The following CHAF1A variants were observed in gnomAD, a reference collection of about 807,000 sequenced individuals.
CHAF1A encodes the protein chromatin assembly factor 1 subunit A.
Under a neutral mutation model 93.2 loss-of-function variants are expected in CHAF1A, and 5 were observed. The observed-to-expected ratio is 0.05, with a 90% CI of 0.03 to 0.11. The LOEUF is 0.11. Among genes scored for constraint, CHAF1A ranks in the 10% least tolerant of loss-of-function variants. The pLI, the probability that CHAF1A is intolerant of heterozygous loss-of-function variation, is 1.00. For missense variants in CHAF1A, 1,102 were observed against 1,259.9 expected (o/e 0.87, Z 1.90); for synonymous variants, 504 against 510.3 (o/e 0.99, Z 0.17).
chr19:4,438,116 G>T (rs1373322456), intron 13 of CHAF1A, among the ~76,000 whole-genome samples: 1 of 152,136 alleles, frequency 6.6e-6, no homozygotes, highest in African/African-American at 2.4e-5. Flanking sequence ...GGGTACATGT[G>T]CAGGTTGGCA....
chr19:4,405,803 AGG>A, intron 1 of CHAF1A, 107 bp from the exon 2 acceptor site: 1 of 902,388 alleles, frequency 1.1e-6, no homozygotes, highest in Non-Finnish European at 1.8e-6. Context: ...CCGAGGACAG[AGG>A]GGTCAGAATT....
At chr19:4,416,493 C>T (rs568921324) in intron 3 of CHAF1A, among the ~76,000 whole-genome samples, 1 of 152,158 alleles carries the variant, frequency 6.6e-6, no homozygotes, top group Admixed American at 6.6e-5. Flanking sequence ...AGCTCATGCT[C>T]AGTTTGAAGG....
downstream of CHAF1A, chr19:4,445,665 C>A: frequency 6.3e-7 from 1 of 1,590,376 alleles, no homozygotes. Flanking sequence ...CGAGAGTCGG[C>A]CCTTGCCGCG....
chr19:4,446,958 T>C (rs1194157118), downstream of CHAF1A: 6 of 1,599,228 alleles, frequency 3.8e-6, no homozygotes, highest in Non-Finnish European at 5.1e-6. Flanking sequence ...GGCCCCTGGC[T>C]TCCTCCATGG....
chr19:4,448,368 C>T (rs149717969), downstream of CHAF1A: 21 of 1,610,616 alleles, frequency 1.3e-5, no homozygotes, highest in African/African-American at 1.6e-4. Context: ...CTTTGTTGAA[C>T]GTGTAGATCT....
At chr19:4,435,197 T>G (rs1361290519) in intron 13 of CHAF1A, among the ~76,000 whole-genome samples, 1 of 149,986 alleles carries the variant, frequency 6.7e-6, no homozygotes, top group African/African-American at 2.5e-5. Context: ...TTCACACCAT[T>G]CTTCTGGCTC....
intron 3 of CHAF1A, among the ~76,000 whole-genome samples, chr19:4,415,462 C>T (rs1000116518): frequency 6.6e-6 from 1 of 152,152 alleles, no homozygotes; most frequent in Non-Finnish European, 1.5e-5. Context: ...CCCCGCCACC[C>T]CAAGACCACA....
At chr19:4,418,956 G>A (rs1292521262) in intron 4 of CHAF1A, among the ~76,000 whole-genome samples, 4 of 151,922 alleles carry the variant, frequency 2.6e-5, no homozygotes, top group Middle Eastern at 3.4e-3. Context: ...TCTGCCTCCC[G>A]GGTTCAAGCG....
rs555368487 is a variant in CHAF1A, at chr19:4,443,331, C to G, written c.*306C>G. ...AATGAATTGAAGCGTCAGGACCACC[C>G]GCCTGGCCACGTGCGCGGGCCCCTG... On this transcript the variant is annotated 3_prime_UTR_variant, in exon 15 of 15. Transcript: ENST00000301280. 1 of 365,728 alleles carries G rather than the reference C, an allele frequency of 2.7e-6. No homozygotes were observed. Among genetic ancestry groups the G allele is most frequent in the East Asian group, 6.8e-5 (1 of 14,718 alleles). 22.7% of individuals were successfully genotyped at this position (365,728 alleles called of 1,614,324 possible). A position where few individuals can be genotyped will look rare whatever the true frequency, so the allele number is the denominator to read the frequency against.
Position 4,430,615 on chromosome 19 carries a change from C to T in CHAF1A, c.1921C>T (p.Leu641=). Residue 641 remains leucine (L), a synonymous_variant, in exon 11 of 15, where the codon CTG becomes TTG. Transcript: ENST00000301280. ...DDGFFVPHGY[L]SEDEGVTEEC... Reference sequence around the variant, plus strand: ...TGGTTTCTTTGTGCCCCATGGGTACCTGTCTGAGGACGAAGGTGTGACAGA... The same window carrying T: ...TGGTTTCTTTGTGCCCCATGGGTACTTGTCTGAGGACGAAGGTGTGACAGA... 1 of 1,613,810 alleles carries T rather than the reference C, an allele frequency of 6.2e-7. No homozygotes were observed. The highest frequency in any genetic ancestry group is 8.5e-7 in the Non-Finnish European group (1 of 1,179,964).
chr19:4,443,373 G>A lies in CHAF1A; in HGVS notation c.*348G>A, dbSNP rs1292645674. On this transcript the variant is annotated 3_prime_UTR_variant, in exon 15 of 15. Coordinates refer to ENST00000301280, the MANE Select transcript of CHAF1A (RefSeq NM_005483.3). ...GGGCCCCTGGACCTAACGAGGCAGT[G>A]TATAAACTTATTCTCTAGCCCTGAG... 3.3e-6 allele frequency: 1 copy of A among 298,860 alleles called. No homozygotes were observed. The highest frequency in any genetic ancestry group is 1.0e-4 in the East Asian group (1 of 10,044). 18.5% of individuals were successfully genotyped at this position (298,860 alleles called of 1,614,324 possible). A position where few individuals can be genotyped will look rare whatever the true frequency, so the allele number is the denominator to read the frequency against.
rs1599649421 is a variant in CHAF1A at position 4,422,728 on chromosome 19, G to A, written c.1180G>A (p.Glu394Lys). 8 of 1,612,326 alleles carry A rather than the reference G, an allele frequency of 5.0e-6. No individual in the cohort carries two copies. The East Asian group carries it at 1.8e-4, about 36-fold the overall frequency. Residue 394 changes from glutamate to lysine, a missense_variant, in exon 5 of 15, where the codon GAG (glutamate) becomes AAG (lysine). Physicochemically the swap from Glu to Lys is moderately conservative, Grantham distance 56 (BLOSUM62 1). Transcript: ENST00000301280. This position sits in a 1 kb window ranked among gnomAD's most constrained non-coding sequence, Gnocchi z 4.6. ...GAGGCGGGAGAAGCGGGAGAAGGAT[G>A]AGAAGGAGAAGGCGGAGAAGCAGCG... is the stretch of plus-strand genomic sequence containing the variant. ...KERREKREKD[E>K]KEKAEKQRLK...
At chr19:4,440,453 A>C (rs1974365065) in intron 13 of CHAF1A, among the ~76,000 whole-genome samples, 1 of 151,958 alleles carries the variant, frequency 6.6e-6, no homozygotes, top group African/African-American at 2.4e-5. Context: ...ACTTAAAAAA[A>C]AAAAAATTAG....
downstream of CHAF1A, chr19:4,448,255 C>CA: frequency 6.9e-7 from 1 of 1,445,100 alleles, no homozygotes; most frequent in Non-Finnish European, 9.4e-7. Flanking sequence ...GTGACAGCCC[C>CA]AGTGGGAGGG....
chr19:4,447,216 G>A, downstream of CHAF1A: 1 of 577,338 alleles, frequency 1.7e-6, no homozygotes, highest in East Asian at 2.9e-5. Context: ...CAGGACCCCA[G>A]TCCCTGCCCT....
Position 4,423,350 on chromosome 19 carries a change from A to G in CHAF1A, c.1263A>G (p.Glu421=). The G allele has an allele frequency of 6.2e-7, 1 of 1,614,210 alleles. No individual in the cohort carries two copies. The highest frequency in any genetic ancestry group is 1.1e-5 in the South Asian group (1 of 91,084). Residue 421 remains glutamate (E), a synonymous_variant, in exon 6 of 15, where the codon GAA becomes GAG. Transcript: ENST00000301280. ...RQEALEAKLE[E]KRKKEEEKRL... ...TGTCTCACAGGGCTAAACTTGAGGA[A>G]AAAAGGAAAAAGGAAGAAGAGAAAC...
chr19:4,443,136 C>A lies in CHAF1A; in HGVS notation c.*111C>A. On this transcript the variant is annotated 3_prime_UTR_variant, in exon 15 of 15. Transcript: ENST00000301280. ...ACTTTGTCCTGCTTCACGGACCTCC[C>A]CAAAGTGTGCAGAGTTCTATATAGG... 1.3e-6 allele frequency: 1 copy of A among 757,588 alleles called. No individual in the cohort carries two copies. Among genetic ancestry groups the A allele is most frequent in the East Asian group, 2.7e-5 (1 of 37,268 alleles). 46.9% of individuals were successfully genotyped at this position (757,588 alleles called of 1,614,324 possible).
At chr19:4,446,263 C>T (rs570643547), downstream of CHAF1A, 157 of 1,568,892 alleles carry the variant, frequency 1.0e-4, no homozygotes, top group Non-Finnish European at 7.7e-5. Flanking sequence ...CCGCCCTCCA[C>T]GGGCATCGTT....
chr19:4,442,929 C>T lies in CHAF1A; in HGVS notation c.2775C>T (p.Val925=). 6.3e-7 allele frequency: 1 copy of T among 1,590,674 alleles called. No homozygotes were observed. Among genetic ancestry groups the T allele is most frequent in the Non-Finnish European group, 8.5e-7 (1 of 1,169,850 alleles). ...CCTCCCTCTCTTGCCCTGCAGAGGT[C>T]CAAGCCCCGTGTGGAGCCGCTTCCG... The part of the protein sequence containing the change: ...MIVDVPDAAE[V]QAPCGAASGA... Residue 925 remains valine (V), a synonymous_variant, in exon 15 of 15, where the codon GTC becomes GTT. Transcript: ENST00000301280.
Sources: gnomAD v4.1 joint callset for allele counts (sites outside exome capture counted in the v4.1 genomes callset) on GRCh38, gnomAD v4.1.1 for gene constraint, Gnocchi (gnomAD v3.1) non-coding constraint, MANE v1.5 for transcripts, NCBI Gene and HGNC (gene_info 2026-07-23, HGNC 2026-07-21) for gene names.